IL1RAP: variants seen among roughly 807,000 people sequenced by gnomAD.
The protein encoded by IL1RAP is interleukin-1 receptor accessory protein.
A neutral mutation model predicts 60.7 loss-of-function variants in IL1RAP; 35 were observed. The ratio of observed to expected loss-of-function variants is 0.58; its 90% CI spans 0.44 to 0.76. The LOEUF (loss-of-function observed/expected upper bound fraction) is 0.76, where lower values mean the gene tolerates loss of function less well. IL1RAP is among the 30% of genes least tolerant of loss of function. IL1RAP has a pLI of 0.00. For synonymous variants in IL1RAP, 268 were observed against 250.9 expected (o/e 1.07, Z -0.64); for missense variants, 572 against 693.9 (o/e 0.82, Z 1.97).
intron 3 of IL1RAP, among the ~76,000 whole-genome samples, chr3:190,587,392 CACTT>C (rs1728555014): frequency 6.6e-6 from 1 of 152,182 alleles, no homozygotes; most frequent in Admixed American, 6.5e-5. Flanking sequence ...AAATGTAAAA[CACTT>C]AATACCTGGC....
intron 1 of IL1RAP, among the ~76,000 whole-genome samples, chr3:190,538,101 C>G (rs912037581): frequency 1.3e-5 from 2 of 152,240 alleles, no homozygotes; most frequent in South Asian, 4.1e-4. Context: ...TGTTTAGATG[C>G]AAGATCTTCC....
At chr3:190,598,864 A>G (rs1411563963) in intron 3 of IL1RAP, among the ~76,000 whole-genome samples, 1 of 152,214 alleles carries the variant, frequency 6.6e-6, no homozygotes, top group Admixed American at 6.5e-5. Context: ...GGTCGAGTCA[A>G]TAATCATTTC....
chr3:190,620,195 A>C (rs989305672), intron 5 of IL1RAP, 80 bp from the exon 6 acceptor site: 27 of 711,322 alleles, frequency 3.8e-5, no homozygotes, highest in Non-Finnish European at 5.6e-5. Flanking sequence ...GTGCAAAATT[A>C]GATGTGAGTG....
chr3:190,575,692 C>G (rs1560182138), intron 3 of IL1RAP, among the ~76,000 whole-genome samples: 1 of 152,162 alleles, frequency 6.6e-6, no homozygotes, highest in African/African-American at 2.4e-5. Flanking sequence ...TTTACTTGAA[C>G]TGCAGTAAAA....
chr3:190,623,397 G>T lies in IL1RAP; in HGVS notation c.757G>T (p.Val253Phe), dbSNP rs750127506. 1.2e-6 allele frequency: 2 copies of T among 1,612,752 alleles called. No individual in the cohort carries two copies. Among genetic ancestry groups the T allele is most frequent in the Non-Finnish European group, 1.7e-6 (2 of 1,178,884 alleles). ...PVIHSPNDHV[V>F]YEKEPGEELL... The stretch of plus-strand genomic sequence containing the variant: ...GATCCATTCACCTAATGATCATGTG[G>T]TCTATGAGAAAGAACCAGGTAATTA... The change falls in exon 7 of 12, where the codon GTC becomes TTC. Residue 253 changes from valine (V) to phenylalanine (F), a missense_variant. By Grantham distance (50) the Val-to-Phe change is conservative (BLOSUM62 -1). Transcript: ENST00000447382.
chr3:190,577,264 C>G (rs2108665613), intron 3 of IL1RAP, among the ~76,000 whole-genome samples: 1 of 151,908 alleles, frequency 6.6e-6, no homozygotes, highest in South Asian at 2.1e-4. Context: ...AAACAAATAC[C>G]ATATAGCAGA....
exon 12 of IL1RAP, chr3:190,656,550 C>A: frequency 6.5e-7 from 1 of 1,536,338 alleles, no homozygotes; most frequent in Non-Finnish European, 8.7e-7. Flanking sequence ...AGATCTCAGC[C>A]CTTGCTCTTC....
chr3:190,540,578 TCTG>T (rs1723844887), intron 1 of IL1RAP, among the ~76,000 whole-genome samples: 1 of 152,174 alleles, frequency 6.6e-6, no homozygotes, highest in Admixed American at 6.5e-5. Context: ...TGCTCTTTCT[TCTG>T]ATTTTCCTAC....
At chr3:190,612,849 C>T (rs991546540) in intron 5 of IL1RAP, among the ~76,000 whole-genome samples, 1 of 152,126 alleles carries the variant, frequency 6.6e-6, no homozygotes, top group Non-Finnish European at 1.5e-5. Flanking sequence ...TTTGACTTAA[C>T]CATATTTTTG....
intron 3 of IL1RAP, among the ~76,000 whole-genome samples, chr3:190,579,447 C>T (rs1292562452): frequency 2.6e-5 from 4 of 151,970 alleles, no homozygotes; most frequent in Non-Finnish European, 5.9e-5. Flanking sequence ...AATAGAGGCC[C>T]GGAGAGATTA....
At chr3:190,623,802 G>A (rs1731986003) in intron 7 of IL1RAP, among the ~76,000 whole-genome samples, 1 of 152,220 alleles carries the variant, frequency 6.6e-6, no homozygotes, top group Non-Finnish European at 1.5e-5. Context: ...TTGAAGGCAA[G>A]ACTGTGAATA....
intron 3 of IL1RAP, among the ~76,000 whole-genome samples, chr3:190,588,261 G>C (rs1313884464): frequency 6.6e-6 from 1 of 152,132 alleles, no homozygotes; most frequent in Admixed American, 6.5e-5. Flanking sequence ...CTACAGGCAT[G>C]CGCCACCACG....
At chr3:190,616,241 G>C (rs181507408) in intron 5 of IL1RAP, among the ~76,000 whole-genome samples, 3 of 152,154 alleles carry the variant, frequency 2.0e-5, no homozygotes, top group Non-Finnish European at 4.4e-5. Context: ...TATTATTCTA[G>C]AGATTTTCTC....
At chr3:190,550,890 A>G (rs1391205208) in intron 1 of IL1RAP, among the ~76,000 whole-genome samples, 1 of 152,252 alleles carries the variant, frequency 6.6e-6, no homozygotes, top group Non-Finnish European at 1.5e-5. Context: ...GGTAGGACTG[A>G]CTTGTTTGCA....
intron 3 of IL1RAP, among the ~76,000 whole-genome samples, chr3:190,594,650 G>A (rs557477307): frequency 3.9e-5 from 6 of 152,132 alleles, no homozygotes; most frequent in Non-Finnish European, 8.8e-5. Context: ...AAACTGAGTG[G>A]CTATGTGCCT....
At chr3:190,634,261 T>C (rs1733013069) in intron 9 of IL1RAP, among the ~76,000 whole-genome samples, 1 of 151,986 alleles carries the variant, frequency 6.6e-6, no homozygotes, top group Non-Finnish European at 1.5e-5. Context: ...TAATATTTTG[T>C]CACAGATTTT....
rs530192089 is a variant in IL1RAP, at chr3:190,637,090, G to A, written c.1052-7158G>A. ...TTTCTTCCCTCCCATCCTTTGTGTT[G>A]TGCTATAATACATTTTGGTTTTGCA... On this transcript the variant is annotated intron_variant, in intron 9 of 11. Coordinates refer to ENST00000447382, the MANE Select transcript of IL1RAP (RefSeq NM_002182.4). Among the ~76,000 whole-genome samples the A allele has an allele frequency of 2.2e-4, 33 of 152,140 alleles. No individual in the cohort carries two copies. The South Asian group carries it at 6.2e-3, about 29-fold the overall frequency.
At chr3:190,531,825 G>A (rs1444874679) in intron 1 of IL1RAP, among the ~76,000 whole-genome samples, 2 of 152,150 alleles carry the variant, frequency 1.3e-5, no homozygotes, top group African/African-American at 4.8e-5. Context: ...CTTGCTGTGG[G>A]GAATCTAGGG....
intron 3 of IL1RAP, among the ~76,000 whole-genome samples, chr3:190,589,263 A>T (rs1577671775): frequency 1.3e-5 from 2 of 151,908 alleles, no homozygotes; most frequent in South Asian, 4.2e-4. Flanking sequence ...ACCACTAAAA[A>T]CCTAGCCACT....
Sources: allele counts gnomAD v4.1 joint callset (sites outside exome capture counted in the v4.1 genomes callset), GRCh38; gene constraint gnomAD v4.1.1; transcripts MANE v1.5; gene names NCBI Gene and HGNC (gene_info 2026-07-23, HGNC 2026-07-21).